Variants in SCFD2 observed in about 807,000 individuals in gnomAD.
SCFD2 encodes sec1 family domain-containing protein 2.
A neutral mutation model predicts 58.9 loss-of-function variants in SCFD2; 54 were observed. The observed-to-expected ratio is 0.92, with a 90% CI of 0.74 to 1.15. The LOEUF (loss-of-function observed/expected upper bound fraction) is 1.15. Among genes scored for constraint, SCFD2 ranks in the 50% most tolerant of loss-of-function variants. The pLI is 0.00. For synonymous variants in SCFD2, 321 were observed against 335.9 expected (o/e 0.96, Z 0.49); for missense variants, 805 against 836.6 (o/e 0.96, Z 0.47).
chr4:53,166,827 C>T (rs1389295898), intron 4 of SCFD2, among the ~76,000 whole-genome samples: 8 of 122,046 alleles, frequency 6.6e-5, no homozygotes, highest in South Asian at 2.8e-4. Flanking sequence ...ATCAAAAATG[C>T]CCACCAAAAA....
intron 5 of SCFD2, among the ~76,000 whole-genome samples, chr4:53,018,827 G>A (rs990950641): frequency 7.9e-5 from 12 of 152,250 alleles, no homozygotes; most frequent in East Asian, 5.8e-4. Flanking sequence ...TGGTGTGTAC[G>A]CTCTTGTTCA....
intron 1 of SCFD2, among the ~76,000 whole-genome samples, chr4:53,353,368 G>C (rs115956144): frequency 0.014 from 2,170 of 152,268 alleles, 62 homozygotes; most frequent in African/African-American, 0.05. Context: ...AGCTCATAAA[G>C]GCATGCACGG....
chr4:52,913,904 C>A (rs780436661), intron 6 of SCFD2, among the ~76,000 whole-genome samples: 1 of 152,112 alleles, frequency 6.6e-6, no homozygotes, highest in Admixed American at 6.5e-5. Flanking sequence ...TACAAAGGAA[C>A]CTGGAAAAAG....
chr4:52,990,164 C>G (rs1327250631), intron 5 of SCFD2, among the ~76,000 whole-genome samples: 1 of 152,228 alleles, frequency 6.6e-6, no homozygotes, highest in Non-Finnish European at 1.5e-5. Context: ...AAAGAGACAT[C>G]TCACATGATT....
intron 3 of SCFD2, among the ~76,000 whole-genome samples, chr4:53,286,656 C>G (rs1448502350): frequency 6.6e-6 from 1 of 152,172 alleles, no homozygotes; most frequent in Admixed American, 6.5e-5. Flanking sequence ...CCAAGGGAAA[C>G]AGAGCTTTGG....
At chr4:53,256,357 T>C (rs1364462475) in intron 4 of SCFD2, among the ~76,000 whole-genome samples, 2 of 146,912 alleles carry the variant, frequency 1.4e-5, no homozygotes, top group Admixed American at 6.7e-5. Flanking sequence ...CCTCACTTCC[T>C]AGATGGGATG....
At chr4:53,068,799 A>G (rs1211146204) in intron 5 of SCFD2, among the ~76,000 whole-genome samples, 1 of 152,054 alleles carries the variant, frequency 6.6e-6, no homozygotes, top group Non-Finnish European at 1.5e-5. Flanking sequence ...TCCCCAATTC[A>G]TTCTTTTACA....
At chr4:53,304,860 T>C (rs1732463964) in intron 3 of SCFD2, among the ~76,000 whole-genome samples, 1 of 152,110 alleles carries the variant, frequency 6.6e-6, no homozygotes, top group Non-Finnish European at 1.5e-5. Context: ...TCCAGTTTTG[T>C]TCCCTTGCTA....
rs182624388 is a variant in SCFD2 at position 53,230,032 on chromosome 4, C to T, written c.1311+43794G>A. Among the ~76,000 whole-genome samples, 56 of 152,286 alleles carry T rather than the reference C, an allele frequency of 3.7e-4. No homozygotes were observed. In the East Asian group the frequency reaches 0.01, roughly 28 times the overall value. On this transcript the variant is annotated intron_variant, in intron 4 of 8. Transcript: ENST00000401642. ...AAAACACATGAAAAAATGCTCATCA[C>T]CACTGGCCATCAGAGAATGCAAATC...
intron 4 of SCFD2, among the ~76,000 whole-genome samples, chr4:53,155,510 T>C (rs1726653055): frequency 6.6e-6 from 1 of 152,194 alleles, no homozygotes; most frequent in South Asian, 2.1e-4. Context: ...GTCTCAGGTA[T>C]TGTTGTAGCA....
chr4:53,083,755 T>C (rs913254106), intron 5 of SCFD2, among the ~76,000 whole-genome samples: 2 of 152,208 alleles, frequency 1.3e-5, no homozygotes, highest in African/African-American at 4.8e-5. Flanking sequence ...AGGACTGTGA[T>C]GCTCGCCTGA....
At chr4:52,887,700 G>A (rs2109449435) in intron 7 of SCFD2, among the ~76,000 whole-genome samples, 1 of 152,262 alleles carries the variant, frequency 6.6e-6, no homozygotes, top group East Asian at 1.9e-4. Flanking sequence ...TTCACCTCCA[G>A]CAAGGAGAGA....
chr4:53,172,515 T>A (rs56813620), intron 4 of SCFD2, among the ~76,000 whole-genome samples: 5,376 of 152,274 alleles, frequency 0.035, 322 homozygotes, highest in African/African-American at 0.12. Context: ...TTTTACTGTA[T>A]CCATTAAGTT....
At chr4:53,335,207 A>AAC (rs1265152237) in intron 2 of SCFD2, among the ~76,000 whole-genome samples, 1 of 147,310 alleles carries the variant, frequency 6.8e-6, no homozygotes, top group East Asian at 2.0e-4. Flanking sequence ...AAAAAAAAAA[A>AAC]AAAAAACAAC....
intron 4 of SCFD2, among the ~76,000 whole-genome samples, chr4:53,196,480 G>T (rs1728059377): frequency 6.6e-6 from 1 of 152,122 alleles, no homozygotes; most frequent in East Asian, 1.9e-4. Flanking sequence ...GCAGATTCTT[G>T]TTATAAACTG....
chr4:53,252,741 G>A (rs1275082979), intron 4 of SCFD2, among the ~76,000 whole-genome samples: 1 of 152,060 alleles, frequency 6.6e-6, no homozygotes, highest in Non-Finnish European at 1.5e-5. Flanking sequence ...AATTCAAGAT[G>A]GATTATTAAA....
At position 53,313,521 on chromosome 4, in the gene SCFD2, A is replaced by G. The variant is rs1223327263; in HGVS notation, c.1135+115T>C. On this transcript the variant is annotated intron_variant, in intron 3 of 8. Transcript: ENST00000401642. ...TCCTTCCCTATTCTTTCAACAGTAT[A>G]CAAAAGTCGTTACTACTTTGGCCTA... 4.2e-6 allele frequency: 5 copies of G among 1,182,180 alleles called. No homozygotes were observed. The East Asian group carries it at 1.2e-4, about 28-fold the overall frequency. The allele number at this position is 1,182,180 out of a possible 1,614,324, so 73.2% of individuals were successfully genotyped here.
chr4:53,218,259 C>G (rs1316389540), intron 4 of SCFD2, among the ~76,000 whole-genome samples: 1 of 152,170 alleles, frequency 6.6e-6, no homozygotes, highest in African/African-American at 2.4e-5. Flanking sequence ...GTTCCATTCT[C>G]CTCGTCACTT....
chr4:53,192,286 C>T (rs1215673603), intron 4 of SCFD2, among the ~76,000 whole-genome samples: 1 of 152,140 alleles, frequency 6.6e-6, no homozygotes, highest in Non-Finnish European at 1.5e-5. Context: ...GGTTGAAAGT[C>T]CTGCTGTATA....
Sources: gnomAD v4.1 joint callset for allele counts (sites outside exome capture counted in the v4.1 genomes callset) on GRCh38, gnomAD v4.1.1 for gene constraint, MANE v1.5 for transcripts, NCBI Gene and HGNC (gene_info 2026-07-23, HGNC 2026-07-21) for gene names.